NEK11: variants seen among roughly 807,000 people sequenced by gnomAD.
The protein encoded by NEK11 is serine/threonine-protein kinase Nek11.
NEK11 carries 72 observed loss-of-function variants against 80.7 expected under a neutral mutation model. The observed-to-expected ratio is 0.89, with a 90% CI of 0.74 to 1.08. NEK11 has a LOEUF of 1.08. Ranked by LOEUF, NEK11 falls within the 50% of genes least tolerant of loss-of-function variation. The pLI, the probability that NEK11 is intolerant of heterozygous loss-of-function variation, is 0.00. For synonymous variants in NEK11, 251 were observed against 260.7 expected (o/e 0.96, Z 0.36); for missense variants, 764 against 763.6 (o/e 1.00, Z -0.01).
At chr3:131,295,559 C>T (rs79090196) in intron 17 of NEK11, among the ~76,000 whole-genome samples, 1 of 152,180 alleles carries the variant, frequency 6.6e-6, no homozygotes, top group African/African-American at 2.4e-5. Context: ...AATTTTTTTG[C>T]ATTAAACAAT....
At chr3:131,197,416 G>A (rs1314153691) in intron 14 of NEK11, among the ~76,000 whole-genome samples, 1 of 152,150 alleles carries the variant, frequency 6.6e-6, no homozygotes, top group African/African-American at 2.4e-5. Flanking sequence ...GGCTCCATTT[G>A]AAGAACAATT....
At chr3:131,307,751 G>A (rs372009515) in intron 17 of NEK11, among the ~76,000 whole-genome samples, 32 of 152,298 alleles carry the variant, frequency 2.1e-4, no homozygotes, top group African/African-American at 7.7e-4. Context: ...ATCATGTGAT[G>A]TTTTATATAG....
chr3:131,240,153 A>C (rs116352180), intron 15 of NEK11, among the ~76,000 whole-genome samples: 1,584 of 152,262 alleles, frequency 0.01, 23 homozygotes, highest in African/African-American at 0.035. Context: ...GGAGGGAAGA[A>C]TATGGCATCT....
At chr3:131,177,595 A>G (rs1292077393) in intron 14 of NEK11, among the ~76,000 whole-genome samples, 1 of 152,150 alleles carries the variant, frequency 6.6e-6, no homozygotes, top group Non-Finnish European at 1.5e-5. Context: ...GTCTCCTACC[A>G]GGACTCTTTG....
At chr3:131,110,033 G>A in intron 5 of NEK11, 112 bp downstream of exon 5, 1 of 1,082,976 alleles carries the variant, frequency 9.2e-7, no homozygotes, top group South Asian at 1.6e-5. Context: ...AAAGGTATAT[G>A]GCTAAAATTA....
intron 3 of NEK11, among the ~76,000 whole-genome samples, chr3:131,033,026 T>A (rs965804146): frequency 1.3e-5 from 2 of 152,208 alleles, no homozygotes; most frequent in Non-Finnish European, 2.9e-5. Context: ...AAAAAACTTA[T>A]TCAAGATGTG....
intron 5 of NEK11, among the ~76,000 whole-genome samples, chr3:131,117,844 A>C (rs1390899898): frequency 6.6e-6 from 1 of 152,160 alleles, no homozygotes; most frequent in Non-Finnish European, 1.5e-5. Flanking sequence ...ATTTTGCTGA[A>C]GTTGCTTATC....
chr3:131,212,001 C>G (rs2094637081), intron 14 of NEK11, among the ~76,000 whole-genome samples: 1 of 152,192 alleles, frequency 6.6e-6, no homozygotes, highest in Non-Finnish European at 1.5e-5. Context: ...CAGCTTTGTT[C>G]AGTTGCTGGC....
intron 4 of NEK11, among the ~76,000 whole-genome samples, chr3:131,099,105 T>C: frequency 6.6e-6 from 1 of 152,226 alleles, no homozygotes; most frequent in Non-Finnish European, 1.5e-5. Context: ...TATAGTTTGA[T>C]GATTTACATT....
chr3:131,168,984 G>T (rs1173046098), intron 13 of NEK11, 47 bp downstream of exon 13: 1 of 1,416,374 alleles, frequency 7.1e-7, no homozygotes, highest in Admixed American at 1.7e-5. Context: ...CAGGTTTAAT[G>T]ATATCCAGAG....
intron 14 of NEK11, among the ~76,000 whole-genome samples, chr3:131,224,690 T>G (rs1335042678): frequency 5.3e-5 from 8 of 152,136 alleles, no homozygotes; most frequent in Admixed American, 3.9e-4. Flanking sequence ...CCTAGAGACC[T>G]TGTAGTGGGA....
chr3:131,323,928 G>T (rs2109814158), intron 17 of NEK11, among the ~76,000 whole-genome samples: 1 of 152,278 alleles, frequency 6.6e-6, no homozygotes, highest in South Asian at 2.1e-4. Flanking sequence ...GCATGCACTG[G>T]GACTGTCTCA....
At chr3:131,064,837 A>G (rs1278092462) in intron 3 of NEK11, among the ~76,000 whole-genome samples, 2 of 151,960 alleles carry the variant, frequency 1.3e-5, no homozygotes, top group East Asian at 1.9e-4. Context: ...GGCATTTTCA[A>G]CCCCTTGCAG....
chr3:131,104,477 GC>G (rs2078877843), intron 4 of NEK11, among the ~76,000 whole-genome samples: 1 of 152,128 alleles, frequency 6.6e-6, no homozygotes. Flanking sequence ...GACAGCAGGG[GC>G]AGGGGCTGTA....
At chr3:131,167,802 C>T (rs543198932) in intron 12 of NEK11, among the ~76,000 whole-genome samples, 33 of 152,346 alleles carry the variant, frequency 2.2e-4, no homozygotes, top group Non-Finnish European at 4.3e-4. Context: ...TTCCCATTTT[C>T]ATCCCCTTCC....
At chr3:131,336,115 CTACTT>C (rs1324484588) in intron 17 of NEK11, among the ~76,000 whole-genome samples, 3 of 152,182 alleles carry the variant, frequency 2.0e-5, no homozygotes, top group Admixed American at 6.5e-5. Flanking sequence ...TTGGAAAAAA[CTACTT>C]TAAAGTTCAT....
intron 17 of NEK11, among the ~76,000 whole-genome samples, chr3:131,320,755 C>T (rs969489782): frequency 6.6e-6 from 1 of 151,754 alleles, no homozygotes; most frequent in Non-Finnish European, 1.5e-5. Flanking sequence ...TTTACAATAG[C>T]GAGACAAAAA....
At chr3:131,066,807 A>ACT (rs916016329) in intron 3 of NEK11, among the ~76,000 whole-genome samples, 1 of 146,976 alleles carries the variant, frequency 6.8e-6, no homozygotes, top group African/African-American at 2.5e-5. Context: ...ACACCACCAC[A>ACT]CTCCAGCCTG....
Position 131,324,075 on chromosome 3 carries a change from C to T in NEK11, c.1719-25482C>T, listed in dbSNP as rs559460100. Among the ~76,000 whole-genome samples the T allele has an allele frequency of 3.3e-5, 5 of 152,324 alleles. No homozygotes were observed. In the South Asian group the frequency reaches 8.3e-4, roughly 25 times the overall value. ...TTAAACAGGCAAGGAAGGCTTTATT[C>T]AAGACTACTGCAGCAGGGGAGAGAT... On this transcript the variant is annotated intron_variant, in intron 17 of 17. Coordinates refer to ENST00000383366, the MANE Select transcript of NEK11 (RefSeq NM_024800.5).
Sources: gnomAD v4.1 joint callset for allele counts (sites outside exome capture counted in the v4.1 genomes callset) on GRCh38, gnomAD v4.1.1 for gene constraint, MANE v1.5 for transcripts, NCBI Gene and HGNC (gene_info 2026-07-23, HGNC 2026-07-21) for gene names.